The following CDC42SE2 variants were observed in gnomAD, a reference collection of about 807,000 sequenced individuals.
CDC42SE2 encodes the protein CDC42 small effector protein 2.
CDC42SE2 carries 3 observed loss-of-function variants against 11.5 expected under a neutral mutation model. The ratio of observed to expected loss-of-function variants is 0.26; its 90% CI spans 0.12 to 0.67. CDC42SE2 has a LOEUF of 0.67. CDC42SE2 is among the 30% of genes least tolerant of loss of function. The probability of loss-of-function intolerance (pLI) is 0.80; values close to 1 mark genes in which losing one functional copy is unlikely to be tolerated. For missense variants in CDC42SE2, 82 were observed against 106.8 expected (o/e 0.77, Z 1.02); for synonymous variants, 33 against 34.8 (o/e 0.95, Z 0.18).
intron 3 of CDC42SE2, among the ~76,000 whole-genome samples, chr5:131,383,152 C>T (rs750980802): frequency 1.3e-5 from 2 of 152,144 alleles, no homozygotes; most frequent in Non-Finnish European, 2.9e-5. Context: ...GCATGCAGCA[C>T]TCCAGATCAA....
At chr5:131,262,670 T>C (rs1166344438), upstream of CDC42SE2, among the ~76,000 whole-genome samples, 1 of 152,182 alleles carries the variant, frequency 6.6e-6, no homozygotes, top group Non-Finnish European at 1.5e-5. Flanking sequence ...TAAAATGATA[T>C]AGTATTTGCA....
intron 4 of CDC42SE2, among the ~76,000 whole-genome samples, chr5:131,386,383 A>G (rs924607810): frequency 6.6e-6 from 1 of 152,216 alleles, no homozygotes; most frequent in African/African-American, 2.4e-5. Flanking sequence ...GTTATAAACT[A>G]TTCATCTTTA....
chr5:131,347,197 A>G (rs909144541), intron 2 of CDC42SE2, among the ~76,000 whole-genome samples: 1 of 152,224 alleles, frequency 6.6e-6, no homozygotes, highest in African/African-American at 2.4e-5. Flanking sequence ...CAAAAAATCA[A>G]TGAATCCAGG....
intron 3 of CDC42SE2, among the ~76,000 whole-genome samples, chr5:131,378,387 C>T (rs554175304): frequency 1.3e-5 from 2 of 151,558 alleles, no homozygotes; most frequent in Admixed American, 6.6e-5. Context: ...AAGCAGCTCA[C>T]GCACCCAGGG....
At chr5:131,284,738 A>G (rs1408561244) in intron 1 of CDC42SE2, among the ~76,000 whole-genome samples, 1 of 152,184 alleles carries the variant, frequency 6.6e-6, no homozygotes, top group Non-Finnish European at 1.5e-5. Context: ...CTCCTAAAGC[A>G]CTGTGATTAC....
chr5:131,363,676 C>CT (rs927191496), intron 3 of CDC42SE2, among the ~76,000 whole-genome samples: 13 of 139,882 alleles, frequency 9.3e-5, no homozygotes, highest in Admixed American at 7.4e-5. Context: ...CGCGCCCGGC[C>CT]TTTTTTTTTT....
At chr5:131,293,137 T>C (rs1052093934) in intron 1 of CDC42SE2, among the ~76,000 whole-genome samples, 4 of 151,876 alleles carry the variant, frequency 2.6e-5, no homozygotes, top group Admixed American at 1.3e-4. Context: ...ACCCGCAACG[T>C]GATGGTAATA....
At chr5:131,326,034 G>C (rs1461703838) in intron 2 of CDC42SE2, among the ~76,000 whole-genome samples, 1 of 152,032 alleles carries the variant, frequency 6.6e-6, no homozygotes, top group African/African-American at 2.4e-5. Flanking sequence ...GTTAACGTCT[G>C]AGTATTTTAA....
intron 3 of CDC42SE2, among the ~76,000 whole-genome samples, chr5:131,373,652 A>G (rs1298866504): frequency 6.6e-6 from 1 of 152,218 alleles, no homozygotes; most frequent in East Asian, 1.9e-4. Flanking sequence ...CAGAAAAGCT[A>G]AAAGGAATGA....
intron 2 of CDC42SE2, among the ~76,000 whole-genome samples, chr5:131,353,342 T>C (rs1749410310): frequency 6.6e-6 from 1 of 151,398 alleles, no homozygotes; most frequent in South Asian, 2.1e-4. Context: ...AGTGCAGTGG[T>C]ATGATCCCAG....
chr5:131,253,944 T>G (rs1437271617), intron 1 of CDC42SE2, among the ~76,000 whole-genome samples: 1 of 152,202 alleles, frequency 6.6e-6, no homozygotes, highest in Non-Finnish European at 1.5e-5. Flanking sequence ...GTGTCCTATA[T>G]TTTCTGAGTC....
At chr5:131,227,412 A>C in the CDC42SE2 span, among the ~76,000 whole-genome samples, 1 of 152,014 alleles carries the variant, frequency 6.6e-6, no homozygotes, top group African/African-American at 2.4e-5. Flanking sequence ...AGGCAGGTGG[A>C]TCACTTGAGG....
At chr5:131,228,551 G>T in the CDC42SE2 span, among the ~76,000 whole-genome samples, 1 of 152,184 alleles carries the variant, frequency 6.6e-6, no homozygotes, top group Admixed American at 6.5e-5. Flanking sequence ...AAAGACACAT[G>T]ACTCTAAAAG....
At chr5:131,309,972 T>G (rs1757866677) in intron 1 of CDC42SE2, among the ~76,000 whole-genome samples, 1 of 152,190 alleles carries the variant, frequency 6.6e-6, no homozygotes, top group South Asian at 2.1e-4. Context: ...TCTTAGTTAT[T>G]TCTTGCCTTC....
intron 1 of CDC42SE2, among the ~76,000 whole-genome samples, chr5:131,305,807 T>A (rs1028257727): frequency 3.3e-5 from 5 of 152,214 alleles, no homozygotes; most frequent in Non-Finnish European, 7.4e-5. Flanking sequence ...TGGGGTTATA[T>A]CTAAAAAAAC....
intron 2 of CDC42SE2, among the ~76,000 whole-genome samples, chr5:131,326,883 T>TA (rs1758311773): frequency 6.6e-6 from 1 of 152,196 alleles, no homozygotes; most frequent in Non-Finnish European, 1.5e-5. Flanking sequence ...AGTGCTGGAA[T>TA]ACAGGCATGA....
intron 1 of CDC42SE2, among the ~76,000 whole-genome samples, chr5:131,291,723 T>G (rs1269519706): frequency 6.6e-6 from 1 of 152,186 alleles, no homozygotes; most frequent in East Asian, 1.9e-4. Context: ...TTATATTACC[T>G]TTTCCCTCTG....
chr5:131,242,671 T>C (rs1024211306), upstream of CDC42SE2, among the ~76,000 whole-genome samples: 2 of 152,196 alleles, frequency 1.3e-5, no homozygotes. Flanking sequence ...ATGCTCTTGT[T>C]TGATCATTTT....
Position 131,376,815 on chromosome 5 carries a change from A to G in CDC42SE2, c.55-8728A>G, listed in dbSNP as rs2149783709. ...CTCCATCCATGTTGCTCCAAAGGAC[A>G]TGGTCTAGTTCTTTTTTATGGTTGT... On this transcript the variant is annotated intron_variant, in intron 3 of 4. Coordinates refer to ENST00000505065, the MANE Select transcript of CDC42SE2 (RefSeq NM_001375635.1). Among the ~76,000 whole-genome samples the G allele has an allele frequency of 1.3e-5, 2 of 152,284 alleles. 1 individual carries two copies. Among genetic ancestry groups the G allele is most frequent in the Middle Eastern group, 6.8e-3 (2 of 294 alleles).
Sources: allele counts gnomAD v4.1 joint callset (sites outside exome capture counted in the v4.1 genomes callset), GRCh38; gene constraint gnomAD v4.1.1; transcripts MANE v1.5; gene names NCBI Gene and HGNC (gene_info 2026-07-23, HGNC 2026-07-21).